The following MAGI2 variants were observed in gnomAD, a reference collection of about 807,000 sequenced individuals.
MAGI2 encodes the protein membrane-associated guanylate kinase, WW and PDZ domain-containing protein 2.
In MAGI2, 35 loss-of-function variants were observed where a neutral mutation model predicts 133.3. That is an observed-to-expected ratio of 0.26 (90% CI 0.20 to 0.35). MAGI2 has a LOEUF of 0.35. Among genes scored for constraint, MAGI2 ranks in the 10% least tolerant of loss-of-function variants. The probability of loss-of-function intolerance (pLI) is 1.00; values close to 1 mark genes in which losing one functional copy is unlikely to be tolerated. For synonymous variants in MAGI2, 729 were observed against 710.6 expected, an observed-to-expected ratio of 1.03 and a Z score of -0.41; for missense variants, 1,636 against 1,863.4, an observed-to-expected ratio of 0.88 and a Z score of 2.25.
intron 3 of MAGI2, among the ~76,000 whole-genome samples, chr7:78,597,899 T>C (rs1804787573): frequency 2.0e-5 from 3 of 152,078 alleles, no homozygotes; most frequent in Non-Finnish European, 2.9e-5. Context: ...CTTGGTAAAA[T>C]TTGCATAAGT....
chr7:78,513,801 G>A (rs577310891), intron 4 of MAGI2, among the ~76,000 whole-genome samples: 103 of 152,150 alleles, frequency 6.8e-4, no homozygotes, highest in South Asian at 1.2e-3. Flanking sequence ...TTTAAGAAAT[G>A]AAGAGGGCCG....
chr7:78,400,081 G>A (rs1036139749), intron 6 of MAGI2, among the ~76,000 whole-genome samples: 1 of 152,120 alleles, frequency 6.6e-6, no homozygotes, highest in Non-Finnish European at 1.5e-5. Flanking sequence ...GATTTGTGCA[G>A]TTTTCTGCCT....
chr7:78,700,204 T>TTTGCCA (rs2151146439), intron 2 of MAGI2, among the ~76,000 whole-genome samples: 1 of 152,278 alleles, frequency 6.6e-6, no homozygotes, highest in South Asian at 2.1e-4. Flanking sequence ...ATGCTCTGTT[T>TTTGCCA]CTATTACATT....
intron 1 of MAGI2, among the ~76,000 whole-genome samples, chr7:79,399,095 C>CTTTTTTTTTTTTTTTT (rs767332496): frequency 2.9e-4 from 31 of 106,268 alleles, no homozygotes; most frequent in Non-Finnish European, 3.7e-4. Context: ...TTTTTCTTTT[C>CTTTTTTTTTTTTTTTT]TTTTTTTTTT....
chr7:78,419,213 G>C (rs971039560), intron 6 of MAGI2, among the ~76,000 whole-genome samples: 1 of 152,062 alleles, frequency 6.6e-6, no homozygotes, highest in African/African-American at 2.4e-5. Context: ...TTCTCATAAG[G>C]ATAGGATCTT....
chr7:78,573,363 G>T (rs1465875957), intron 3 of MAGI2, among the ~76,000 whole-genome samples: 9 of 23,590 alleles, frequency 3.8e-4, no homozygotes, highest in African/African-American at 2.8e-3. Context: ...GAGAATCCTG[G>T]AAATATATAT....
At chr7:78,564,075 A>T (rs893394631) in intron 3 of MAGI2, among the ~76,000 whole-genome samples, 2 of 152,184 alleles carry the variant, frequency 1.3e-5, no homozygotes, top group Non-Finnish European at 2.9e-5. Context: ...TTTTGTAGGT[A>T]TGGGAGACAC....
intron 1 of MAGI2, among the ~76,000 whole-genome samples, chr7:79,226,801 T>C (rs1830900110): frequency 6.6e-6 from 1 of 152,172 alleles, no homozygotes; most frequent in Admixed American, 6.5e-5. Context: ...AGCACCTATC[T>C]TTAAAAGATT....
rs546435392 is a variant in MAGI2, at chr7:79,357,841, C to A, written c.301+95179G>T. Reference sequence around the variant, plus strand: ...TTTTATTTTTTAACTATAAAAAAACCTTGTCTCCTATGTTTATGTAACGTA... The same window carrying A: ...TTTTATTTTTTAACTATAAAAAAACATTGTCTCCTATGTTTATGTAACGTA... On this transcript the variant is annotated intron_variant, in intron 1 of 21. Transcript: ENST00000354212. Among the ~76,000 whole-genome samples the A allele has an allele frequency of 2.0e-5, 3 of 152,160 alleles. No homozygotes were observed. The East Asian group carries it at 5.8e-4, about 29-fold the overall frequency.
At chr7:79,067,647 C>T (rs113293790) in intron 1 of MAGI2, among the ~76,000 whole-genome samples, 12 of 152,128 alleles carry the variant, frequency 7.9e-5, no homozygotes, top group African/African-American at 2.9e-4. Context: ...CTATGTTGAA[C>T]ATGAGTGGTG....
intron 1 of MAGI2, among the ~76,000 whole-genome samples, chr7:79,247,466 C>T (rs77223320): frequency 0.018 from 2,689 of 151,850 alleles, 75 homozygotes; most frequent in African/African-American, 0.062. Flanking sequence ...ATAAAAAATT[C>T]GCCATGCATG....
chr7:78,727,514 A>C (rs1450720840), intron 2 of MAGI2, among the ~76,000 whole-genome samples: 1 of 152,224 alleles, frequency 6.6e-6, no homozygotes, highest in East Asian at 1.9e-4. Flanking sequence ...AAGAATTTTC[A>C]TGGATGCAAA....
At chr7:79,279,130 T>G (rs1835441133) in intron 1 of MAGI2, among the ~76,000 whole-genome samples, 1 of 152,106 alleles carries the variant, frequency 6.6e-6, no homozygotes, top group Non-Finnish European at 1.5e-5. Context: ...GCTACTACTA[T>G]CCCTGCTCTT....
intron 1 of MAGI2, among the ~76,000 whole-genome samples, chr7:79,277,646 G>A (rs1835331238): frequency 1.3e-5 from 2 of 152,048 alleles, no homozygotes; most frequent in Admixed American, 1.3e-4. Flanking sequence ...TTAACAATGG[G>A]CATTGACCAA....
intron 2 of MAGI2, among the ~76,000 whole-genome samples, chr7:78,745,646 T>C (rs568459787): frequency 1.4e-4 from 21 of 152,302 alleles, no homozygotes; most frequent in African/African-American, 5.1e-4. Flanking sequence ...AGTCTCAGAA[T>C]TGGCAGTTAA....
chr7:78,573,592 C>T (rs910362676), intron 3 of MAGI2, among the ~76,000 whole-genome samples: 1 of 149,348 alleles, frequency 6.7e-6, no homozygotes, highest in African/African-American at 2.5e-5. Context: ...CATTTATTCC[C>T]AATTATTTGT....
At chr7:79,143,468 A>C (rs1442564550) in intron 1 of MAGI2, among the ~76,000 whole-genome samples, 1 of 152,194 alleles carries the variant, frequency 6.6e-6, no homozygotes, top group East Asian at 1.9e-4. Flanking sequence ...CACAGTTCTA[A>C]ATGAGCACCT....
intron 1 of MAGI2, among the ~76,000 whole-genome samples, chr7:79,030,904 A>T (rs772935649): frequency 7.9e-5 from 12 of 152,184 alleles, no homozygotes; most frequent in Non-Finnish European, 1.5e-4. Context: ...CCATAATTAA[A>T]TTGCAAAAGC....
intron 10 of MAGI2, among the ~76,000 whole-genome samples, chr7:78,243,493 TTTCTC>T (rs1242814611): frequency 6.6e-6 from 1 of 152,202 alleles, no homozygotes. Flanking sequence ...GTACAGTAGT[TTTCTC>T]TATTATGCTT....
Sources: gnomAD v4.1 joint callset for allele counts (sites outside exome capture counted in the v4.1 genomes callset) on GRCh38, gnomAD v4.1.1 for gene constraint, MANE v1.5 for transcripts, NCBI Gene and HGNC (gene_info 2026-07-23, HGNC 2026-07-21) for gene names.